Variants in SLC12A2 observed in about 807,000 individuals in gnomAD.
The protein encoded by SLC12A2 is Na-K-2Cl cotransporter 1.
Under a neutral mutation model 136.3 loss-of-function variants are expected in SLC12A2, and 67 were observed. The observed-to-expected ratio is 0.49, with a 90% CI of 0.40 to 0.60. The LOEUF (loss-of-function observed/expected upper bound fraction) is 0.60, where lower values mean the gene tolerates loss of function less well. SLC12A2 is among the 20% of genes least tolerant of loss of function. SLC12A2 has a pLI of 0.00. For missense variants in SLC12A2, 1,322 were observed against 1,534.7 expected, an observed-to-expected ratio of 0.86 and a Z score of 2.32; for synonymous variants, 619 against 562.9, an observed-to-expected ratio of 1.10 and a Z score of -1.41.
chr5:128,093,141 CTGTTT>C (rs879583656), intron 1 of SLC12A2, among the ~76,000 whole-genome samples: 11 of 151,368 alleles, frequency 7.3e-5, no homozygotes, highest in Non-Finnish European at 1.6e-4. Flanking sequence ...TTGTTTTGTT[CTGTTT>C]TGTTTTGTTT....
intron 9 of SLC12A2, among the ~76,000 whole-genome samples, chr5:128,141,099 G>C (rs969553346): frequency 6.6e-6 from 1 of 152,004 alleles, no homozygotes; most frequent in African/African-American, 2.4e-5. Flanking sequence ...ATAATAAATT[G>C]CTTGTTTCAA....
chr5:128,141,933 A>T lies in SLC12A2; in HGVS notation c.1725A>T (p.Ser575=). Residue 575 remains serine (S), a synonymous_variant, in exon 10 of 27, where the codon TCA becomes TCT. Coordinates refer to ENST00000262461, the MANE Select transcript of SLC12A2 (RefSeq NM_001046.3). The part of the protein sequence containing the change: ...SAACKLNFDF[S]SCESSPCSYG... ...CCTGCAAATTAAACTTTGATTTTTC[A>T]TCTTGTGAAAGCAGTCCTTGTTCCT... is the stretch of plus-strand genomic sequence containing the variant. The T allele has an allele frequency of 1.2e-6, 2 of 1,614,022 alleles. No homozygotes were observed. The highest frequency in any genetic ancestry group is 1.7e-6 in the Non-Finnish European group (2 of 1,179,940).
At chr5:128,097,662 A>T (rs1760593522) in intron 1 of SLC12A2, among the ~76,000 whole-genome samples, 1 of 152,100 alleles carries the variant, frequency 6.6e-6, no homozygotes, top group African/African-American at 2.4e-5. Context: ...CAGCTGAAAT[A>T]TAGGAATTTT....
chr5:128,119,527 C>T lies in SLC12A2; in HGVS notation c.1048+4846C>T, dbSNP rs147865782. On this transcript the variant is annotated intron_variant, in intron 4 of 26. Transcript: ENST00000262461. ...TCTCAGGTTTCTCAAAGATCAGATA[C>T]TTGTAGATATGCAGCATTATTTCTG... Among the ~76,000 whole-genome samples the T allele has an allele frequency of 7.0e-3, 1,067 of 152,178 alleles. 7 individuals are homozygous for T. Among genetic ancestry groups the T allele is most frequent in the Non-Finnish European group, 0.012 (794 of 67,978 alleles).
At chr5:128,153,426 A>G (rs943010371) in intron 15 of SLC12A2, among the ~76,000 whole-genome samples, 2 of 152,102 alleles carry the variant, frequency 1.3e-5, no homozygotes, top group African/African-American at 4.8e-5. Flanking sequence ...GTAGTGGCGC[A>G]TGCCTGTAGT....
At chr5:128,102,502 G>A (rs974885556) in intron 1 of SLC12A2, among the ~76,000 whole-genome samples, 1 of 140,246 alleles carries the variant, frequency 7.1e-6, no homozygotes, top group Non-Finnish European at 1.5e-5. Context: ...AAATGGAATC[G>A]TATAGCATAT....
rs1761102721 is a variant in SLC12A2, at chr5:128,110,463, C to T, written c.757-2351C>T. 5.4e-6 allele frequency: 7 copies of T among 1,294,230 alleles called. No homozygotes were observed. The South Asian group carries it at 8.3e-5, about 15-fold the overall frequency. The allele number at this position is 1,294,230 out of a possible 1,614,324, so 80.2% of individuals were successfully genotyped here. On this transcript the variant is annotated intron_variant, in intron 1 of 26. Transcript: ENST00000262461. The stretch of plus-strand genomic sequence containing the variant: ...GAGCTGGTTAAACTCAGTAGAAACA[C>T]CCTGAACTCATAGACGCTGCTTTCA...
At chr5:128,136,593 AC>A (rs1762199452) in intron 7 of SLC12A2, among the ~76,000 whole-genome samples, 1 of 152,102 alleles carries the variant, frequency 6.6e-6, no homozygotes, top group Non-Finnish European at 1.5e-5. Context: ...TGATAGATGC[AC>A]TATGAATTTT....
chr5:128,154,658 G>A (rs778090178), intron 15 of SLC12A2, among the ~76,000 whole-genome samples: 1 of 151,974 alleles, frequency 6.6e-6, no homozygotes, highest in South Asian at 2.1e-4. Flanking sequence ...CAGGACCCTC[G>A]GTGGATAGCT....
At chr5:128,169,290 C>T (rs993725520) in intron 18 of SLC12A2, 3 of 152,068 alleles carry the variant, frequency 2.0e-5, no homozygotes, top group Admixed American at 1.3e-4. Flanking sequence ...CTATTTTCTC[C>T]ATGAATTTTG....
Position 128,182,810 on chromosome 5 carries a change from A to G in SLC12A2, c.3213-45A>G, listed in dbSNP as rs748196403. On this transcript the variant is annotated intron_variant, in intron 23 of 26. Coordinates refer to ENST00000262461, the MANE Select transcript of SLC12A2 (RefSeq NM_001046.3). ...TAGATATATGGATTCAGCCCAATAT[A>G]GAATGAAAATACTTGTATCTTAATT... The G allele has an allele frequency of 7.3e-6, 10 of 1,369,748 alleles. 1 individual carries two copies. The South Asian group carries it at 1.1e-4, about 15-fold the overall frequency. 84.8% of individuals were successfully genotyped at this position (1,369,748 alleles called of 1,614,324 possible).
rs70997362 is a variant in SLC12A2, at chr5:128,102,596, C to CTTTTTTTTTTTTTTTTTTTTTTTTTT, written c.757-10212_757-10187dup. 9.9e-5 allele frequency among the ~76,000 whole-genome samples: 4 copies of CTTTTTTTTTTTTTTTTTTTTTTTTTT among 40,448 alleles called. 1 individual carries two copies. Among genetic ancestry groups the CTTTTTTTTTTTTTTTTTTTTTTTTTT allele is most frequent in the Non-Finnish European group, 9.7e-5 (2 of 20,548 alleles). 26.5% of individuals were successfully genotyped at this position (40,448 alleles called of 152,430 possible). On this transcript the variant is annotated intron_variant, in intron 1 of 26. Coordinates refer to ENST00000262461, the MANE Select transcript of SLC12A2 (RefSeq NM_001046.3). The stretch of plus-strand genomic sequence containing the variant: ...TTCTGTAATTCACCCCCCCCCCCGC[C>CTTTTTTTTTTTTTTTTTTTTTTTTTT]TTTTTTTTTTTTTTTTTTTTTTTTT...
In SLC12A2 at chr5:128,171,766, A is replaced by G. The variant is rs1370113899; in HGVS notation, c.2803+20A>G. 7.0e-6 allele frequency: 10 copies of G among 1,437,154 alleles called. No individual in the cohort carries two copies. The highest frequency in any genetic ancestry group is 9.5e-6 in the Non-Finnish European group (10 of 1,051,292). The allele number at this position is 1,437,154 out of a possible 1,614,324, so 89.0% of individuals were successfully genotyped here. On this transcript the variant is annotated intron_variant, in intron 19 of 26. Transcript: ENST00000262461. ...GACAAGGTAAATTTTGTTGGCAATA[A>G]GTTTTTTATTTACAAAAATATAAAC...
In SLC12A2 at chr5:128,186,463, T is replaced by TG. The variant is rs763227949; in HGVS notation, c.3504-33_3504-32insG. The TG allele has an allele frequency of 3.9e-5, 61 of 1,552,856 alleles. No individual in the cohort carries two copies. In the African/African-American group the frequency reaches 5.0e-4, roughly 13 times the overall value. On this transcript the variant is annotated intron_variant, in intron 26 of 26. Transcript: ENST00000262461. ...ATTCTGTAAATGCATTGCTCAGGGT[T>TG]TTTTTTTTTTCTTTTTCTCTTTTTG...
Position 128,182,931 on chromosome 5 carries a change from A to C in SLC12A2, c.3289A>C (p.Lys1097Gln). 1 of 1,602,494 alleles carries C rather than the reference A, an allele frequency of 6.2e-7. No homozygotes were observed. The highest frequency in any genetic ancestry group is 8.5e-7 in the Non-Finnish European group (1 of 1,171,728). The part of the protein sequence containing the change: ...MVLGDINTKP[K>Q]KENIIAFEEI... ...TCTAGGAGATATCAATACCAAACCA[A>C]AGAAAGAAAAGTAAGTTACTCTACA... Residue 1097 changes from lysine to glutamine, a missense_variant, in exon 24 of 27, where the codon AAG (lysine) becomes CAG (glutamine). Physicochemically the swap from Lys to Gln is moderately conservative, Grantham distance 53. Coordinates refer to ENST00000262461, the MANE Select transcript of SLC12A2 (RefSeq NM_001046.3).
chr5:128,120,469 A>T lies in SLC12A2; in HGVS notation c.1048+5788A>T, dbSNP rs367779917. 1.6e-4 allele frequency among the ~76,000 whole-genome samples: 24 copies of T among 152,008 alleles called. No individual in the cohort carries two copies. In the East Asian group the frequency reaches 3.7e-3, roughly 23 times the overall value. On this transcript the variant is annotated intron_variant, in intron 4 of 26. Transcript: ENST00000262461. ...GACTTGGAACCAACCCAAATGTCCA[A>T]CAATGATAGACTGGATTAAGAAAAT...
chr5:128,125,531 T>C (rs1008946343), intron 4 of SLC12A2, among the ~76,000 whole-genome samples: 2 of 152,232 alleles, frequency 1.3e-5, no homozygotes, highest in African/African-American at 4.8e-5. Flanking sequence ...TGTAGATTTT[T>C]CTATATATCT....
intron 3 of SLC12A2, 53 bp downstream of exon 3, chr5:128,114,340 T>G: frequency 1.5e-6 from 2 of 1,374,992 alleles, no homozygotes; most frequent in Non-Finnish European, 2.1e-6. Flanking sequence ...TAACTGTGTC[T>G]GAGCTCTTAA....
At chr5:128,130,312 T>C (rs1416858959) in intron 4 of SLC12A2, among the ~76,000 whole-genome samples, 2 of 151,838 alleles carry the variant, frequency 1.3e-5, no homozygotes, top group South Asian at 4.2e-4. Context: ...GTCAGGAGAT[T>C]GAGACCATCC....
Sources: allele counts gnomAD v4.1 joint callset (sites outside exome capture counted in the v4.1 genomes callset), GRCh38; gene constraint gnomAD v4.1.1; transcripts MANE v1.5; gene names NCBI Gene and HGNC (gene_info 2026-07-23, HGNC 2026-07-21).